The following MCC variants were observed in gnomAD, a reference collection of about 807,000 sequenced individuals.
MCC encodes the protein MCC regulator of Wnt signaling pathway, also known as colorectal mutant cancer protein.
MCC carries 90 observed loss-of-function variants against 116.2 expected under a neutral mutation model. That is an observed-to-expected ratio of 0.77 (90% CI 0.65 to 0.92). The LOEUF is 0.92. Ranked by LOEUF, MCC falls within the 40% of genes least tolerant of loss-of-function variation. The pLI, the probability that MCC is intolerant of heterozygous loss-of-function variation, is 0.00. For missense variants in MCC, 1,516 were observed against 1,312.2 expected (o/e 1.16, Z -2.40); for synonymous variants, 578 against 510.5 (o/e 1.13, Z -1.78).
At chr5:113,280,861 G>A (rs1209739268) in intron 3 of MCC, among the ~76,000 whole-genome samples, 1 of 152,206 alleles carries the variant, frequency 6.6e-6, no homozygotes, top group Non-Finnish European at 1.5e-5. Context: ...CACCATAAGA[G>A]AGTCCATGGA....
chr5:113,080,722 C>T (rs1754796213), intron 11 of MCC, among the ~76,000 whole-genome samples: 1 of 151,012 alleles, frequency 6.6e-6, no homozygotes, highest in African/African-American at 2.4e-5. Flanking sequence ...TTGATGGGTG[C>T]AGCACACCAA....
intron 1 of MCC, 145 bp downstream of exon 1, chr5:113,488,100 A>T: frequency 1.2e-6 from 1 of 808,946 alleles, no homozygotes; most frequent in Non-Finnish European, 1.8e-6. Context: ...CGAGCCGGCT[A>T]CGCGCTCTCG....
intron 1 of MCC, among the ~76,000 whole-genome samples, chr5:113,398,525 G>A (rs1769594426): frequency 6.6e-6 from 1 of 152,200 alleles, no homozygotes; most frequent in South Asian, 2.1e-4. Context: ...CATGTCCTTT[G>A]CAGCAACATG....
At chr5:113,036,848 G>A (rs1027623740) in intron 17 of MCC, among the ~76,000 whole-genome samples, 6 of 152,188 alleles carry the variant, frequency 3.9e-5, no homozygotes, top group Non-Finnish European at 5.9e-5. Flanking sequence ...GTGAGCCTCA[G>A]TCTTCACCCT....
rs147316534 is a variant in MCC, at chr5:113,023,206, T to C, written c.*4096A>G. ...TTCTGAAGGCCACAAGTTTGGAGCTTACTTTAACCTGACCTACATGAACAT... is the reference window on the plus strand; with the variant it reads ...TTCTGAAGGCCACAAGTTTGGAGCTCACTTTAACCTGACCTACATGAACAT... On this transcript the variant is annotated 3_prime_UTR_variant, in exon 19 of 19. Transcript: ENST00000408903. 1 of 152,356 alleles carries C rather than the reference T, an allele frequency of 6.6e-6. No individual in the cohort carries two copies. The highest frequency in any genetic ancestry group is 1.9e-4 in the East Asian group (1 of 5,188). 9.4% of individuals were successfully genotyped at this position (152,356 alleles called of 1,614,324 possible).
chr5:113,135,605 G>A (rs1046189430), intron 5 of MCC, among the ~76,000 whole-genome samples: 1 of 148,466 alleles, frequency 6.7e-6, no homozygotes, highest in Non-Finnish European at 1.5e-5. Context: ...TATAATTTTT[G>A]TAGCTATTGT....
chr5:113,032,887 AC>A (rs1453609801), intron 17 of MCC, among the ~76,000 whole-genome samples: 2 of 152,238 alleles, frequency 1.3e-5, no homozygotes, highest in East Asian at 3.8e-4. Context: ...ACAACAGTTT[AC>A]AAATGCCATG....
intron 16 of MCC, among the ~76,000 whole-genome samples, chr5:113,046,273 A>G (rs1020986562): frequency 6.6e-6 from 1 of 152,006 alleles, no homozygotes. Context: ...GGTCACTGCA[A>G]CTTCCGCCTC....
chr5:113,052,224 C>T (rs1752532049), intron 15 of MCC, among the ~76,000 whole-genome samples: 1 of 152,098 alleles, frequency 6.6e-6, no homozygotes. Flanking sequence ...AGTCTTTGGC[C>T]AAAAGAAACA....
At chr5:113,072,210 A>G (rs1299797093) in intron 11 of MCC, among the ~76,000 whole-genome samples, 2 of 152,234 alleles carry the variant, frequency 1.3e-5, no homozygotes, top group Admixed American at 1.3e-4. Flanking sequence ...AGGGGTTTGG[A>G]AGCCATTAGC....
intron 17 of MCC, among the ~76,000 whole-genome samples, chr5:113,041,107 G>C (rs987485330): frequency 6.6e-6 from 1 of 152,134 alleles, no homozygotes; most frequent in African/African-American, 2.4e-5. Context: ...TTAACTGCAC[G>C]GCCAGAGGCT....
At chr5:113,475,079 T>C (rs1398971332) in intron 1 of MCC, among the ~76,000 whole-genome samples, 1 of 152,228 alleles carries the variant, frequency 6.6e-6, no homozygotes, top group Admixed American at 6.5e-5. Flanking sequence ...ACTTTCTCAC[T>C]TCCTTCATTT....
At chr5:113,365,675 T>C (rs1768669622) in intron 2 of MCC, among the ~76,000 whole-genome samples, 1 of 152,182 alleles carries the variant, frequency 6.6e-6, no homozygotes, top group Non-Finnish European at 1.5e-5. Context: ...CTGGGTAATT[T>C]ATAAAGAAAA....
intron 5 of MCC, among the ~76,000 whole-genome samples, chr5:113,125,393 G>A (rs1459568982): frequency 6.6e-6 from 1 of 152,194 alleles, no homozygotes; most frequent in African/African-American, 2.4e-5. Flanking sequence ...GCTACCTTGC[G>A]AGAACAGGGA....
Position 113,434,061 on chromosome 5 carries a change from C to A in MCC, c.171-48849G>T, listed in dbSNP as rs535839960. ...GCTGAGGATCTCGTCGATGTGGAGC[C>A]GCCGGTTGACGTCGGGCTGCAGCAT... is the stretch of plus-strand genomic sequence containing the variant. On this transcript the variant is annotated intron_variant, in intron 1 of 18. Transcript: ENST00000408903. This position sits in a 1 kb window ranked among gnomAD's most constrained non-coding sequence, Gnocchi z 4.2. 3 of 1,614,118 alleles carry A rather than the reference C, an allele frequency of 1.9e-6. No individual in the cohort carries two copies. The highest frequency in any genetic ancestry group is 1.7e-6 in the Non-Finnish European group (2 of 1,179,950).
At chr5:113,253,075 A>G (rs1326510386) in intron 3 of MCC, among the ~76,000 whole-genome samples, 1 of 152,234 alleles carries the variant, frequency 6.6e-6, no homozygotes, top group African/African-American at 2.4e-5. Context: ...TAGATTAAGA[A>G]GCAAGACATC....
Position 113,340,877 on chromosome 5 carries a change from T to C in MCC, c.416-147A>G. On this transcript the variant is annotated intron_variant, in intron 2 of 18. Coordinates refer to ENST00000408903, the MANE Select transcript of MCC (RefSeq NM_001085377.2). ...GATGCCCAGGCTGCATGCTAAGCGC[T>C]TTCTCTTTCAAACTGACACATGGGG... 7.6e-6 allele frequency: 5 copies of C among 660,190 alleles called. No homozygotes were observed. The South Asian group carries it at 9.7e-5, about 13-fold the overall frequency. 40.9% of individuals were successfully genotyped at this position (660,190 alleles called of 1,614,324 possible).
chr5:113,106,894 T>C (rs1288068846), intron 6 of MCC, among the ~76,000 whole-genome samples: 1 of 152,172 alleles, frequency 6.6e-6, no homozygotes, highest in African/African-American at 2.4e-5. Context: ...TCAAATGCTA[T>C]CTCCCCAACA....
intron 3 of MCC, among the ~76,000 whole-genome samples, chr5:113,176,468 C>G (rs879252262): frequency 6.6e-6 from 1 of 152,254 alleles, no homozygotes; most frequent in African/African-American, 2.4e-5. Context: ...GAAGCTCTAG[C>G]ATGTTCCTCA....
Sources: gnomAD v4.1 joint callset for allele counts (sites outside exome capture counted in the v4.1 genomes callset) on GRCh38, gnomAD v4.1.1 for gene constraint, Gnocchi (gnomAD v3.1) non-coding constraint, MANE v1.5 for transcripts, NCBI Gene and HGNC (gene_info 2026-07-23, HGNC 2026-07-21) for gene names.